Variants in PTPN4 observed in about 807,000 individuals in gnomAD.
PTPN4 encodes tyrosine-protein phosphatase non-receptor type 4.
Under a neutral mutation model 135.5 loss-of-function variants are expected in PTPN4, and 49 were observed. That is an observed-to-expected ratio of 0.36 (90% CI 0.29 to 0.46). PTPN4 has a LOEUF of 0.46. Among genes scored for constraint, PTPN4 ranks in the 20% least tolerant of loss-of-function variants. The pLI is 1.00. For missense variants in PTPN4, 860 were observed against 1,101.0 expected (o/e 0.78, Z 3.10); for synonymous variants, 333 against 369.9 (o/e 0.90, Z 1.14).
At chr2:119,923,828 A>G (rs1678772623) in intron 12 of PTPN4, among the ~76,000 whole-genome samples, 1 of 152,162 alleles carries the variant, frequency 6.6e-6, no homozygotes, top group Non-Finnish European at 1.5e-5. Context: ...GCCAAAGTAG[A>G]ATAAGTAATA....
intron 26 of PTPN4, among the ~76,000 whole-genome samples, chr2:119,969,136 A>G (rs1679489575): frequency 6.6e-6 from 1 of 151,518 alleles, no homozygotes; most frequent in Non-Finnish European, 1.5e-5. Flanking sequence ...CAATCCTCCC[A>G]CCTCAGCTGG....
chr2:119,935,010 C>A, intron 15 of PTPN4, 52 bp downstream of exon 15: 1 of 1,517,582 alleles, frequency 6.6e-7, no homozygotes, highest in Non-Finnish European at 9.0e-7. Context: ...CCCCAAATTG[C>A]TTTACTTAAA....
chr2:119,826,011 G>A (rs554921115), intron 2 of PTPN4, among the ~76,000 whole-genome samples: 13 of 152,124 alleles, frequency 8.5e-5, no homozygotes, highest in Non-Finnish European at 1.8e-4. Flanking sequence ...TACTAAGGAA[G>A]GTTTATTAGA....
At chr2:119,963,502 C>A (rs576072812) in intron 24 of PTPN4, among the ~76,000 whole-genome samples, 1 of 152,238 alleles carries the variant, frequency 6.6e-6, no homozygotes, top group East Asian at 1.9e-4. Flanking sequence ...TATGAGTGCC[C>A]AGGACTATCC....
rs76936009 is a variant in PTPN4 at position 119,829,292 on chromosome 2, T to C, written c.138+19301T>C. ...TTAAAAGTGTATGGTTCAATGTTTT[T>C]ATGTATCACAGAATTAATTTTTAAA... is the stretch of plus-strand genomic sequence containing the variant. On this transcript the variant is annotated intron_variant, in intron 2 of 26. Transcript: ENST00000263708. 6.6e-5 allele frequency among the ~76,000 whole-genome samples: 10 copies of C among 152,354 alleles called. No individual in the cohort carries two copies. The East Asian group carries it at 1.9e-3, about 29-fold the overall frequency.
intron 1 of PTPN4, among the ~76,000 whole-genome samples, chr2:119,784,667 A>G (rs562993391): frequency 8.1e-5 from 12 of 148,876 alleles, no homozygotes; most frequent in South Asian, 2.1e-4. Context: ...GATTACAGGC[A>G]TGAGCTACTG....
intron 1 of PTPN4, among the ~76,000 whole-genome samples, chr2:119,761,945 G>T (rs1304156579): frequency 6.6e-6 from 1 of 152,100 alleles, no homozygotes; most frequent in Non-Finnish European, 1.5e-5. Flanking sequence ...TAACATCTTA[G>T]CTTCAGAGCT....
At chr2:119,866,984 A>G (rs1278618395) in intron 3 of PTPN4, among the ~76,000 whole-genome samples, 2 of 152,126 alleles carry the variant, frequency 1.3e-5, no homozygotes, top group Non-Finnish European at 2.9e-5. Context: ...GGGAATGGCA[A>G]AGAGACCTGG....
At chr2:119,973,148 T>TA (rs956599797) in intron 26 of PTPN4, among the ~76,000 whole-genome samples, 8 of 151,926 alleles carry the variant, frequency 5.3e-5, no homozygotes, top group East Asian at 3.9e-4. Flanking sequence ...CTATATCCAT[T>TA]AAAAAAAACT....
intron 2 of PTPN4, among the ~76,000 whole-genome samples, chr2:119,851,660 C>T (rs1037057632): frequency 6.6e-6 from 1 of 152,212 alleles, no homozygotes. Flanking sequence ...TATTTTGTCT[C>T]TTAATGCACA....
chr2:119,898,439 A>AAT (rs1678355955), intron 9 of PTPN4, among the ~76,000 whole-genome samples: 1 of 152,168 alleles, frequency 6.6e-6, no homozygotes, highest in African/African-American at 2.4e-5. Context: ...TAGTTGTATA[A>AAT]AGGCCTTGGA....
chr2:119,856,286 T>C (rs1230665992), intron 2 of PTPN4, among the ~76,000 whole-genome samples: 2 of 152,202 alleles, frequency 1.3e-5, no homozygotes, highest in South Asian at 2.1e-4. Context: ...ACAAGTGTGA[T>C]GTTACAGTAT....
intron 1 of PTPN4, among the ~76,000 whole-genome samples, chr2:119,772,163 T>C (rs1293553097): frequency 6.6e-6 from 1 of 152,228 alleles, no homozygotes; most frequent in African/African-American, 2.4e-5. Context: ...TAATTTATCT[T>C]ACTGTTTCCA....
chr2:119,970,317 C>T (rs1490080442), intron 26 of PTPN4, among the ~76,000 whole-genome samples: 1 of 151,938 alleles, frequency 6.6e-6, no homozygotes, highest in Non-Finnish European at 1.5e-5. Flanking sequence ...GCCTTGGCCT[C>T]TCAAAGTGCT....
At chr2:119,901,227 G>A (rs746796455) in intron 10 of PTPN4, among the ~76,000 whole-genome samples, 1 of 152,138 alleles carries the variant, frequency 6.6e-6, no homozygotes, top group African/African-American at 2.4e-5. Flanking sequence ...ACCGAAGATC[G>A]CAGCCAAGAG....
Position 119,984,880 on chromosome 2 carries a change from A to G in PTPN4, c.*7810A>G, listed in dbSNP as rs1409970131. Among the ~76,000 whole-genome samples, 1 of 152,222 alleles carries G rather than the reference A, an allele frequency of 6.6e-6. No individual in the cohort carries two copies. Among genetic ancestry groups the G allele is most frequent in the African/African-American group, 2.4e-5 (1 of 41,458 alleles). ...CTTAATGTTCAATTGCAAAATAAAG[A>G]TGTGCTTTAGTAATCTAAAGTACAG... On this transcript the variant is annotated 3_prime_UTR_variant, in exon 27 of 27. Transcript: ENST00000263708.
At chr2:119,960,684 T>C (rs1574422464) in intron 22 of PTPN4, 123 bp from the exon 23 acceptor site, 1 of 785,512 alleles carries the variant, frequency 1.3e-6, no homozygotes, top group East Asian at 3.1e-5. Context: ...AGATTTGTTT[T>C]ACTGACGGCA....
intron 15 of PTPN4, chr2:119,935,160 T>G (rs1200465218): frequency 1.7e-6 from 1 of 597,808 alleles, no homozygotes; most frequent in Non-Finnish European, 2.8e-6. Flanking sequence ...ATGTTGTTAT[T>G]TTGTTGACTT....
At chr2:119,878,864 T>C (rs1036330884) in intron 5 of PTPN4, among the ~76,000 whole-genome samples, 93 of 151,776 alleles carry the variant, frequency 6.1e-4, no homozygotes, top group Non-Finnish European at 1.1e-3. Flanking sequence ...GAGGCCAAGG[T>C]GGGCGGATCA....
Sources: allele counts gnomAD v4.1 joint callset (sites outside exome capture counted in the v4.1 genomes callset), GRCh38; gene constraint gnomAD v4.1.1; transcripts MANE v1.5; gene names NCBI Gene and HGNC (gene_info 2026-07-23, HGNC 2026-07-21).